The following CLEC16A variants were observed in gnomAD, a reference collection of about 807,000 sequenced individuals.
The protein encoded by CLEC16A is C-type lectin domain containing 16A.
CLEC16A carries 51 observed loss-of-function variants against 109.5 expected under a neutral mutation model. The ratio of observed to expected loss-of-function variants is 0.47; its 90% confidence interval spans 0.37 to 0.59. The LOEUF is 0.59. CLEC16A is among the 20% of genes least tolerant of loss of function. The pLI is 0.00. For synonymous variants in CLEC16A, 673 were observed against 564.2 expected (o/e 1.19, Z -2.73); for missense variants, 1,339 against 1,394.0 (o/e 0.96, Z 0.63).
intron 10 of CLEC16A, among the ~76,000 whole-genome samples, chr16:10,996,885 C>G (rs952760330): frequency 6.6e-6 from 1 of 152,228 alleles, no homozygotes; most frequent in Non-Finnish European, 1.5e-5. Flanking sequence ...CACCTGTTCG[C>G]TTTGTCCTAC....
At chr16:11,072,677 G>A (rs891792151) in intron 19 of CLEC16A, among the ~76,000 whole-genome samples, 4 of 152,172 alleles carry the variant, frequency 2.6e-5, no homozygotes, top group African/African-American at 9.7e-5. Context: ...CCTCAGGACT[G>A]TTCTGTTGAT....
At chr16:11,102,068 C>T (rs538461001) in intron 19 of CLEC16A, among the ~76,000 whole-genome samples, 2 of 151,950 alleles carry the variant, frequency 1.3e-5, no homozygotes, top group Admixed American at 1.3e-4. Flanking sequence ...CTACCTCAGC[C>T]TCCCAAAGTG....
intron 11 of CLEC16A, among the ~76,000 whole-genome samples, chr16:11,015,827 G>T (rs933574362): frequency 3.3e-5 from 5 of 152,240 alleles, no homozygotes; most frequent in African/African-American, 1.2e-4. Context: ...AGTTCCCACT[G>T]TGTCAACCAA....
intron 19 of CLEC16A, among the ~76,000 whole-genome samples, chr16:11,119,789 G>C (rs2052264994): frequency 6.6e-6 from 1 of 152,138 alleles, no homozygotes; most frequent in East Asian, 1.9e-4. Context: ...TGTGAAAAAT[G>C]ATGTTGGTAT....
At chr16:11,141,298 T>G (rs2053815341) in intron 22 of CLEC16A, among the ~76,000 whole-genome samples, 1 of 152,244 alleles carries the variant, frequency 6.6e-6, no homozygotes, top group Admixed American at 6.5e-5. Flanking sequence ...TGGTTCCTTC[T>G]TCCAGCCAGT....
intron 17 of CLEC16A, chr16:11,048,494 C>T (rs1056493321): frequency 6.6e-6 from 1 of 152,164 alleles, no homozygotes; most frequent in Non-Finnish European, 1.5e-5. Context: ...TTATAATAAA[C>T]CTAAGTGTTT....
chr16:10,987,659 C>T (rs573582632), intron 10 of CLEC16A, among the ~76,000 whole-genome samples: 30 of 152,312 alleles, frequency 2.0e-4, no homozygotes, highest in African/African-American at 6.7e-4. Context: ...GACTATCGTT[C>T]AGGTTTGGGA....
intron 7 of CLEC16A, among the ~76,000 whole-genome samples, chr16:10,973,687 G>C (rs1178812504): frequency 2.0e-5 from 3 of 151,350 alleles, no homozygotes; most frequent in Non-Finnish European, 2.9e-5. Flanking sequence ...TCCTGCCTCA[G>C]CCTCCCAGGT....
chr16:10,962,661 G>T (rs111585431), intron 3 of CLEC16A, 73 bp downstream of exon 3: 8 of 1,529,088 alleles, frequency 5.2e-6, no homozygotes, highest in Middle Eastern at 1.9e-4. Context: ...GTGGTTTTCT[G>T]TGTCTGCGCT....
At chr16:11,157,108 G>C in intron 22 of CLEC16A, 3 of 1,303,516 alleles carry the variant, frequency 2.3e-6, no homozygotes, top group Non-Finnish European at 3.0e-6. Flanking sequence ...AATCTGAGAG[G>C]ATTTATCCAT....
At chr16:11,089,612 A>G (rs1433204616) in intron 19 of CLEC16A, among the ~76,000 whole-genome samples, 7 of 152,132 alleles carry the variant, frequency 4.6e-5, no homozygotes, top group Admixed American at 2.6e-4. Flanking sequence ...GGTCTTTGTC[A>G]TCTGTGCCAG....
At chr16:11,127,262 C>T (rs920306712) in intron 22 of CLEC16A, among the ~76,000 whole-genome samples, 1 of 152,166 alleles carries the variant, frequency 6.6e-6, no homozygotes, top group Non-Finnish European at 1.5e-5. Context: ...CACATTAACA[C>T]GTATAAATCA....
At chr16:11,160,510 C>A (rs1042789037) in intron 22 of CLEC16A, among the ~76,000 whole-genome samples, 1 of 152,094 alleles carries the variant, frequency 6.6e-6, no homozygotes, top group East Asian at 1.9e-4. Context: ...CCTCACTTGC[C>A]CCTTTCCCTC....
chr16:11,174,114 TA>T lies in CLEC16A; in HGVS notation c.2807-4218del. The T allele has an allele frequency of 2.2e-6, 1 of 459,938 alleles. No homozygotes were observed. The highest frequency in any genetic ancestry group is 4.6e-6 in the Non-Finnish European group (1 of 219,394). 28.5% of individuals were successfully genotyped at this position (459,938 alleles called of 1,614,324 possible). On this transcript the variant is annotated intron_variant, in intron 23 of 23. Coordinates refer to ENST00000409790, the MANE Select transcript of CLEC16A (RefSeq NM_015226.3). This position sits in a 1 kb window ranked among gnomAD's most constrained non-coding sequence, Gnocchi z 4.7. ...CATGTCGCCTCTGCCGTCCCATTGT[TA>T]AAGGCTTTCTATGATCTGTCGCTGT...
At chr16:11,142,240 C>T (rs941952937) in intron 22 of CLEC16A, among the ~76,000 whole-genome samples, 1 of 152,218 alleles carries the variant, frequency 6.6e-6, no homozygotes, top group Admixed American at 6.5e-5. Context: ...CTGCTCAGTC[C>T]AGTGTCCAGG....
intron 13 of CLEC16A, among the ~76,000 whole-genome samples, chr16:11,035,483 G>A (rs1252915834): frequency 2.6e-5 from 4 of 152,142 alleles, no homozygotes; most frequent in South Asian, 2.1e-4. Flanking sequence ...GTTAACCAGC[G>A]GGGATCATGG....
intron 23 of CLEC16A, 123 bp downstream of exon 23, chr16:11,166,675 G>T (rs773153937): frequency 6.0e-5 from 59 of 991,204 alleles, no homozygotes; most frequent in Non-Finnish European, 7.9e-5. Context: ...ATGCCGCTCA[G>T]GTGATCTGCA....
At chr16:11,152,994 C>T (rs1388442962) in intron 22 of CLEC16A, among the ~76,000 whole-genome samples, 1 of 152,322 alleles carries the variant, frequency 6.6e-6, no homozygotes, top group Non-Finnish European at 1.5e-5. Flanking sequence ...AATCTCCACT[C>T]CACCCCGACC....
At chr16:11,082,704 A>G (rs953102144) in intron 19 of CLEC16A, among the ~76,000 whole-genome samples, 1 of 152,222 alleles carries the variant, frequency 6.6e-6, no homozygotes, top group East Asian at 1.9e-4. Context: ...CTGGAAGGAA[A>G]GGAACGCTTT....
Sources: gnomAD v4.1 joint callset for allele counts (sites outside exome capture counted in the v4.1 genomes callset) on GRCh38, gnomAD v4.1.1 for gene constraint, Gnocchi (gnomAD v3.1) non-coding constraint, MANE v1.5 for transcripts, NCBI Gene and HGNC (gene_info 2026-07-23, HGNC 2026-07-21) for gene names.